EIF4G2: variants seen among roughly 807,000 people sequenced by gnomAD.
The protein encoded by EIF4G2 is DAP-5.
In EIF4G2, 8 loss-of-function variants were observed where a neutral mutation model predicts 117.7. That is an observed-to-expected ratio of 0.07 (90% CI 0.04 to 0.12). EIF4G2 has a LOEUF of 0.12. EIF4G2 is among the 10% of genes least tolerant of loss of function. The pLI is 1.00. For synonymous variants in EIF4G2, 413 were observed against 367.8 expected, an observed-to-expected ratio of 1.12 and a Z score of -1.41; for missense variants, 812 against 1,086.2, an observed-to-expected ratio of 0.75 and a Z score of 3.55.
intron 1 of EIF4G2, chr11:10,808,302 G>A (rs1318835378): frequency 7.4e-6 from 9 of 1,214,392 alleles, no homozygotes; most frequent in African/African-American, 1.7e-5. Context: ...CCAGGCTCCG[G>A]GACGCCTGCG....
At chr11:10,798,515 G>A (rs1165254129) in intron 21 of EIF4G2, among the ~76,000 whole-genome samples, 1 of 151,986 alleles carries the variant, frequency 6.6e-6, no homozygotes, top group Non-Finnish European at 1.5e-5. Flanking sequence ...GAGTAGCTGG[G>A]ACCAGGACCA....
chr11:10,802,370 T>C lies in EIF4G2; in HGVS notation c.1062A>G (p.Gly354=). The C allele has an allele frequency of 1.2e-6, 2 of 1,613,924 alleles. No individual in the cohort carries two copies. The highest frequency in any genetic ancestry group is 1.7e-6 in the Non-Finnish European group (2 of 1,179,970). Residue 354 remains glycine (G), a synonymous_variant, in exon 12 of 22, where the codon GGA becomes GGG. Coordinates refer to ENST00000339995, the MANE Select transcript of EIF4G2 (RefSeq NM_001418.4). ...TTTTCATCCTGGGTGGCATGAACGG[T>C]CCCTCCAGAAAGAAGTCACTTCTCA...
In EIF4G2 at chr11:10,806,882, A is replaced by C; in HGVS notation, c.45T>G (p.Ala15=). ...CCCTACTTCCTCCTCCGCCCGAAGA[A>C]GCACTATTTAAAAGAAAAAAATTGT... Residue 15 remains alanine (A), a synonymous_variant, in exon 3 of 22, where the codon GCT becomes GCG. Coordinates refer to ENST00000339995, the MANE Select transcript of EIF4G2 (RefSeq NM_001418.4). The C allele has an allele frequency of 6.2e-7, 1 of 1,614,136 alleles. No individual in the cohort carries two copies. The highest frequency in any genetic ancestry group is 8.5e-7 in the Non-Finnish European group (1 of 1,180,030).
rs116027483 is a variant in EIF4G2 at position 10,798,761 on chromosome 11, A to G, written c.2658+231T>C. The G allele has an allele frequency of 3.2e-3, 1,438 of 442,722 alleles. 24 individuals are homozygous for G. The highest frequency in any genetic ancestry group is 0.026 in the African/African-American group (1,307 of 49,950). The allele number at this position is 442,722 out of a possible 1,614,324, so 27.4% of individuals were successfully genotyped here. ...GTCACTCCCATGTATATAAGTAGCT[A>G]TACTCCTTGAAAAGTTAGCTACCTC... On this transcript the variant is annotated intron_variant, in intron 21 of 21. Transcript: ENST00000339995.
intron 15 of EIF4G2, 54 bp downstream of exon 15, chr11:10,800,892 AAGAACACACTAAATTT>A: frequency 6.2e-7 from 1 of 1,612,298 alleles, no homozygotes; most frequent in Non-Finnish European, 8.5e-7. Flanking sequence ...AATTAGGGGG[AAGAACACACTAAATTT>A]AGAAAAAAGT....
intron 19 of EIF4G2, 55 bp downstream of exon 19, chr11:10,799,497 C>T (rs577757694): frequency 2.9e-5 from 46 of 1,608,996 alleles, no homozygotes; most frequent in South Asian, 2.2e-4. Flanking sequence ...TAGTCTCCTA[C>T]GCTTCTTTTC....
chr11:10,805,119 T>A, intron 4 of EIF4G2, 104 bp from the exon 5 acceptor site: 2 of 890,690 alleles, frequency 2.2e-6, no homozygotes, highest in South Asian at 1.5e-5. Context: ...TTGCTCCCTT[T>A]AAAAAATCAA....
At position 10,801,022 on chromosome 11, in the gene EIF4G2, C is replaced by G; in HGVS notation, c.1479G>C (p.Gln493His). The G allele has an allele frequency of 6.2e-7, 1 of 1,614,202 alleles. No homozygotes were observed. The highest frequency in any genetic ancestry group is 1.3e-5 in the African/African-American group (1 of 75,064). ...GTGCACTAGGAGGAATCATAGTTAT[C>G]TGGGGCTGAAGCTTTGGCACTTGAT... Residue 493 changes from glutamine to histidine, a missense_variant, in exon 15 of 22, where the codon CAG becomes CAC. Physicochemically the swap from Gln to His is conservative, Grantham distance 24 (BLOSUM62 0). This residue lies in a region of EIF4G2 where 571 missense variants were observed against 642.3 expected (regional missense o/e 0.89). Transcript: ENST00000339995.
intron 3 of EIF4G2, 55 bp from the exon 4 acceptor site, chr11:10,806,102 T>C (rs1847562033): frequency 1.2e-6 from 2 of 1,607,262 alleles, no homozygotes; most frequent in Non-Finnish European, 1.7e-6. Flanking sequence ...ATGTTAAACA[T>C]CATAAATTCT....
chr11:10,803,422 T>TTA lies in EIF4G2; in HGVS notation c.813+57_813+58insTA. 1 of 1,577,874 alleles carries TTA rather than the reference T, an allele frequency of 6.3e-7. No homozygotes were observed. The highest frequency in any genetic ancestry group is 8.7e-7 in the Non-Finnish European group (1 of 1,148,870). ...GCAATCCCTTATGATGTCACAAAAA[T>TTA]CAATAGCTTGATTTAAAGACAAACT... On this transcript the variant is annotated intron_variant, in intron 9 of 21. Coordinates refer to ENST00000339995, the MANE Select transcript of EIF4G2 (RefSeq NM_001418.4). This position sits in a 1 kb window ranked among gnomAD's most constrained non-coding sequence, Gnocchi z 4.0.
Position 10,801,861 on chromosome 11 carries a change from T to C in EIF4G2, c.1300-87A>G, listed in dbSNP as rs1055474967. On this transcript the variant is annotated intron_variant, in intron 13 of 21. Transcript: ENST00000339995. ...AGTACCAAAGGGATGAGCCAAGCCA[T>C]AAAGTTAGTTTAACTGAATTTGCCC... 9 of 1,335,370 alleles carry C rather than the reference T, an allele frequency of 6.7e-6. No homozygotes were observed. In the African/African-American group the frequency reaches 8.8e-5, roughly 13 times the overall value. 82.7% of individuals were successfully genotyped at this position (1,335,370 alleles called of 1,614,324 possible).
chr11:10,807,802 C>A (rs1402063087), intron 1 of EIF4G2: 1 of 989,546 alleles, frequency 1.0e-6, no homozygotes, highest in East Asian at 1.1e-4. Context: ...CAGTTTTCCC[C>A]TGTCCACCCT....
chr11:10,799,525 C>T, intron 19 of EIF4G2, 27 bp downstream of exon 19: 19 of 1,610,762 alleles, frequency 1.2e-5, no homozygotes, highest in Non-Finnish European at 1.6e-5. Context: ...TGAAACATTA[C>T]CATATGCAGA....
At position 10,803,184 on chromosome 11, in the gene EIF4G2, C is replaced by G. The variant is rs2270620; in HGVS notation, c.897+27G>C. ...TTCCTAAACCAAAAACTCAGCTTAC[C>G]AACAAATTTAAAGAAACCAGTATTA... is the stretch of plus-strand genomic sequence containing the variant. On this transcript the variant is annotated intron_variant, in intron 10 of 21. Transcript: ENST00000339995. This position sits in a 1 kb window ranked among gnomAD's most constrained non-coding sequence, Gnocchi z 4.0. 1 of 1,607,144 alleles carries G rather than the reference C, an allele frequency of 6.2e-7. No homozygotes were observed. Among genetic ancestry groups the G allele is most frequent in the South Asian group, 1.1e-5 (1 of 89,140 alleles).
rs986157007 is a variant in EIF4G2, at chr11:10,807,661, T to C, written c.-86-280A>G. ...AGCCACATTCTACTATCTTTAAAAC[T>C]GAGCACTGAGATCAATAGAAAAGTC... On this transcript the variant is annotated intron_variant, in intron 1 of 21. Transcript: ENST00000339995. The C allele has an allele frequency of 4.8e-6, 5 of 1,031,368 alleles. No individual in the cohort carries two copies. The African/African-American group carries it at 5.1e-5, about 11-fold the overall frequency. 63.9% of individuals were successfully genotyped at this position (1,031,368 alleles called of 1,614,324 possible). A position where few individuals can be genotyped will look rare whatever the true frequency, so the allele number is the denominator to read the frequency against.
intron 14 of EIF4G2, chr11:10,801,304 TTC>T: frequency 1.5e-6 from 1 of 647,510 alleles, no homozygotes; most frequent in African/African-American, 1.8e-5. Flanking sequence ...AAATCTTACA[TTC>T]TCTTAGAATT....
At chr11:10,801,579 A>G (rs374849879) in intron 14 of EIF4G2, 82 bp downstream of exon 14, 2 of 1,236,042 alleles carry the variant, frequency 1.6e-6, no homozygotes, top group Non-Finnish European at 2.4e-6. Flanking sequence ...AGTCCTCTTA[A>G]TAACGCGTCT....
intron 3 of EIF4G2, 35 bp downstream of exon 3, chr11:10,806,781 TTAAA>T (rs1847584824): frequency 1.2e-6 from 2 of 1,604,994 alleles, no homozygotes. Flanking sequence ...TTTTAATCTG[TTAAA>T]TAAAGCTCAC....
rs1159871397 is a variant in EIF4G2, at chr11:10,797,772, T to C, written c.*44A>G. ...GGTTAGGTCAAATGCAGTTACATCATAGCAACAGTATGTTTTGCACAATTT... is the reference window on the plus strand; with the variant it reads ...GGTTAGGTCAAATGCAGTTACATCACAGCAACAGTATGTTTTGCACAATTT... On this transcript the variant is annotated 3_prime_UTR_variant, in exon 22 of 22. Coordinates refer to ENST00000339995, the MANE Select transcript of EIF4G2 (RefSeq NM_001418.4). This position sits in a 1 kb window ranked among gnomAD's most constrained non-coding sequence, Gnocchi z 4.5. The C allele has an allele frequency of 3.1e-6, 5 of 1,595,356 alleles. No homozygotes were observed. The African/African-American group carries it at 4.0e-5, about 13-fold the overall frequency.
Sources: gnomAD v4.1 joint callset for allele counts (sites outside exome capture counted in the v4.1 genomes callset) on GRCh38, gnomAD v4.1.1 for gene constraint, gnomAD v4.1.1 regional missense constraint, Gnocchi (gnomAD v3.1) non-coding constraint, MANE v1.5 for transcripts, NCBI Gene and HGNC (gene_info 2026-07-23, HGNC 2026-07-21) for gene names.